Variants in KDM8 observed in about 807,000 individuals in gnomAD.
KDM8 encodes the protein bifunctional peptidase and arginyl-hydroxylase JMJD5.
Under a neutral mutation model 46.9 loss-of-function variants are expected in KDM8, and 35 were observed. The observed-to-expected ratio is 0.75, with a 90% CI of 0.57 to 0.99. The LOEUF (loss-of-function observed/expected upper bound fraction) is 0.99, where lower values mean the gene tolerates loss of function less well. KDM8 is among the 50% of genes least tolerant of loss of function. The probability of loss-of-function intolerance (pLI) is 0.00; values close to 1 mark genes in which losing one functional copy is unlikely to be tolerated. For synonymous variants in KDM8, 232 were observed against 227.7 expected, an observed-to-expected ratio of 1.02 and a Z score of -0.17; for missense variants, 475 against 537.0, an observed-to-expected ratio of 0.88 and a Z score of 1.14.
intron 2 of KDM8, 67 bp downstream of exon 2, chr16:27,210,688 A>G: frequency 3.4e-6 from 5 of 1,454,332 alleles, no homozygotes; most frequent in Non-Finnish European, 4.6e-6. Context: ...AGAAATTCCG[A>G]GTCATCTCTC....
Position 27,221,263 on chromosome 16 carries a change from A to G in KDM8, c.*533A>G. 4.2e-6 allele frequency: 1 copy of G among 237,924 alleles called. No homozygotes were observed. Among genetic ancestry groups the G allele is most frequent in the Non-Finnish European group, 8.4e-6 (1 of 118,994 alleles). The allele number at this position is 237,924 out of a possible 1,614,324, so 14.7% of individuals were successfully genotyped here. On this transcript the variant is annotated 3_prime_UTR_variant, in exon 8 of 8. Coordinates refer to ENST00000286096, the MANE Select transcript of KDM8 (RefSeq NM_024773.3). ...TTAGCCGCTGTCACTGATCCCAATT[A>G]CTCTGATCCTTTTGCCCTTCCTTCC...
Position 27,204,467 on chromosome 16 carries a change from C to T in KDM8, c.-32+831C>T, listed in dbSNP as rs1450954673. The T allele has an allele frequency of 8.4e-6, 6 of 714,494 alleles. No individual in the cohort carries two copies. In the Admixed American group the frequency reaches 1.7e-4, roughly 20 times the overall value. 44.3% of individuals were successfully genotyped at this position (714,494 alleles called of 1,614,324 possible). ...CTTTCCTGGGAAGTTTTACGAAGCT[C>T]TTGTTTTTGCACAATTTTTGTGGAA... On this transcript the variant is annotated intron_variant, in intron 1 of 7. Coordinates refer to ENST00000286096, the MANE Select transcript of KDM8 (RefSeq NM_024773.3).
rs116486597 is a variant in KDM8, at chr16:27,215,145, G to A, written c.798+137G>A. Reference sequence around the variant, plus strand: ...TAAGTCTGTGGTCGGAGGGACGACCGCAGCGAGGAAGGCAGGCTGCTTAGC... The same window carrying A: ...TAAGTCTGTGGTCGGAGGGACGACCACAGCGAGGAAGGCAGGCTGCTTAGC... On this transcript the variant is annotated intron_variant, in intron 4 of 7. Coordinates refer to ENST00000286096, the MANE Select transcript of KDM8 (RefSeq NM_024773.3). 1,238 of 975,218 alleles carry A rather than the reference G, an allele frequency of 1.3e-3. 10 individuals carry two copies. The African/African-American group carries it at 0.018, about 14-fold the overall frequency. The allele number at this position is 975,218 out of a possible 1,614,324, so 60.4% of individuals were successfully genotyped here.
rs191463807 is a variant in KDM8 at position 27,204,509 on chromosome 16, T to C, written c.-32+873T>C. On this transcript the variant is annotated intron_variant, in intron 1 of 7. Coordinates refer to ENST00000286096, the MANE Select transcript of KDM8 (RefSeq NM_024773.3). ...TTTGTGGAATACTGCCATAATAACATTGAGGAGATTAGAGAACTGGACCGC... is the reference window on the plus strand; with the variant it reads ...TTTGTGGAATACTGCCATAATAACACTGAGGAGATTAGAGAACTGGACCGC... 1.8e-3 allele frequency: 563 copies of C among 317,200 alleles called. 2 individuals carry two copies. The highest frequency in any genetic ancestry group is 0.011 in the African/African-American group (518 of 45,918). The allele number at this position is 317,200 out of a possible 1,614,324, so 19.6% of individuals were successfully genotyped here. A position where few individuals can be genotyped will look rare whatever the true frequency, so the allele number is the denominator to read the frequency against.
chr16:27,207,004 C>A (rs1336112010), intron 1 of KDM8, among the ~76,000 whole-genome samples: 3 of 152,382 alleles, frequency 2.0e-5, no homozygotes, highest in African/African-American at 2.4e-5. Context: ...ACAAACAATT[C>A]TTTCCTGGCA....
At chr16:27,214,643 G>A in intron 3 of KDM8, 1 of 487,774 alleles carries the variant, frequency 2.1e-6, no homozygotes, top group Admixed American at 3.2e-5. Flanking sequence ...CAGCCAACCA[G>A]ACTTACCGGC....
chr16:27,207,714 G>C (rs2083441117), intron 1 of KDM8, among the ~76,000 whole-genome samples: 1 of 152,204 alleles, frequency 6.6e-6, no homozygotes, highest in African/African-American at 2.4e-5. Flanking sequence ...CGGAGTAGCT[G>C]GGGCTACAGG....
At position 27,210,289 on chromosome 16, in the gene KDM8, T is replaced by TGAG. The variant is rs2083468816; in HGVS notation, c.166_167insGAG (p.Phe56delinsTer). On this transcript the variant is annotated stop_gained, in exon 2 of 8. Transcript: ENST00000286096. LOFTEE classifies it high-confidence loss of function. ...ATTGTTGCAGCGAGCCACTGAGCTCTTCTACGAGGGCAGGAGGGACGAGTG... is the reference window on the plus strand; with the variant it reads ...ATTGTTGCAGCGAGCCACTGAGCTCTGAGTCTACGAGGGCAGGAGGGACGAGTG... 3.1e-6 allele frequency: 5 copies of TGAG among 1,613,136 alleles called. No homozygotes were observed. The highest frequency in any genetic ancestry group is 4.2e-6 in the Non-Finnish European group (5 of 1,180,034).
intron 1 of KDM8, chr16:27,206,112 T>G: frequency 2.3e-6 from 1 of 430,764 alleles, no homozygotes; most frequent in Non-Finnish European, 3.1e-6. Context: ...AATAAACCCT[T>G]TTATGTAGAG....
intron 1 of KDM8, among the ~76,000 whole-genome samples, chr16:27,206,978 G>A (rs775301605): frequency 5.9e-5 from 9 of 152,336 alleles, no homozygotes; most frequent in African/African-American, 1.4e-4. Flanking sequence ...TGCTCCCAGC[G>A]GGGTAGATGG....
rs1392567904 is a variant in KDM8, at chr16:27,220,880, C to A, written c.*150C>A. The A allele has an allele frequency of 8.8e-6, 8 of 912,994 alleles. No individual in the cohort carries two copies. Among genetic ancestry groups the A allele is most frequent in the Non-Finnish European group, 1.2e-5 (7 of 569,366 alleles). The allele number at this position is 912,994 out of a possible 1,614,324, so 56.6% of individuals were successfully genotyped here. ...AGTGGCAGCCCTGGGGGGCTGAGCT[C>A]CAGCACTGGACAGGCACAGAGCAGG... On this transcript the variant is annotated 3_prime_UTR_variant, in exon 8 of 8. Coordinates refer to ENST00000286096, the MANE Select transcript of KDM8 (RefSeq NM_024773.3).
intron 1 of KDM8, among the ~76,000 whole-genome samples, chr16:27,207,148 C>T (rs1161966324): frequency 6.6e-6 from 1 of 152,256 alleles, no homozygotes; most frequent in East Asian, 1.9e-4. Context: ...TGGCTCACAC[C>T]TGTAATCCCG....
chr16:27,205,644 C>T (rs1405234094), intron 1 of KDM8, among the ~76,000 whole-genome samples: 1 of 152,106 alleles, frequency 6.6e-6, no homozygotes, highest in Non-Finnish European at 1.5e-5. Flanking sequence ...TCAAAACCAG[C>T]CTGGGCAACA....
chr16:27,209,570 T>C (rs2083461019), intron 1 of KDM8, among the ~76,000 whole-genome samples: 3 of 152,216 alleles, frequency 2.0e-5, no homozygotes, highest in African/African-American at 2.4e-5. Context: ...GTGACTGCCA[T>C]GAGGCAGACT....
At chr16:27,213,125 A>G (rs1032257080) in intron 2 of KDM8, among the ~76,000 whole-genome samples, 1 of 152,108 alleles carries the variant, frequency 6.6e-6, no homozygotes, top group East Asian at 1.9e-4. Context: ...CCGGGTGGCC[A>G]TGTGGAAACT....
intron 4 of KDM8, 102 bp from the exon 5 acceptor site, chr16:27,215,843 C>G (rs374380434): frequency 8.3e-7 from 1 of 1,199,296 alleles, no homozygotes; most frequent in African/African-American, 1.5e-5. Flanking sequence ...GGAAGGGTGA[C>G]GGGTGCTGCA....
chr16:27,211,874 C>T (rs372562773), intron 2 of KDM8, among the ~76,000 whole-genome samples: 99 of 152,230 alleles, frequency 6.5e-4, no homozygotes, highest in African/African-American at 2.2e-3. Context: ...GACAGGGTTT[C>T]ACCATGTTGG....
chr16:27,218,401 G>A (rs1024253779), intron 5 of KDM8, among the ~76,000 whole-genome samples: 4 of 152,162 alleles, frequency 2.6e-5, no homozygotes, highest in Non-Finnish European at 4.4e-5. Flanking sequence ...ATGGGGAGCC[G>A]CGCCACCCTT....
rs1382120475 is a variant in KDM8 at position 27,221,120 on chromosome 16, C to T, written c.*390C>T. On this transcript the variant is annotated 3_prime_UTR_variant, in exon 8 of 8. Coordinates refer to ENST00000286096, the MANE Select transcript of KDM8 (RefSeq NM_024773.3). ...CAAACCCGGCCGCGCTGTGCACCTG[C>T]TGGGTGACTTGGCCAGGATCCCCCA... 2 of 350,018 alleles carry T rather than the reference C, an allele frequency of 5.7e-6. No individual in the cohort carries two copies. Among genetic ancestry groups the T allele is most frequent in the Admixed American group, 7.7e-5 (2 of 26,068 alleles). 21.7% of individuals were successfully genotyped at this position (350,018 alleles called of 1,614,324 possible).
Sources: gnomAD v4.1 joint callset for allele counts (sites outside exome capture counted in the v4.1 genomes callset) on GRCh38, gnomAD v4.1.1 for gene constraint, MANE v1.5 for transcripts, NCBI Gene and HGNC (gene_info 2026-07-23, HGNC 2026-07-21) for gene names.